The following ADCY7 variants were observed in gnomAD, a reference collection of about 807,000 sequenced individuals.
The protein encoded by ADCY7 is adenylate cyclase type 7.
A neutral mutation model predicts 120.6 loss-of-function variants in ADCY7; 72 were observed. The observed-to-expected ratio is 0.60, with a 90% CI of 0.49 to 0.73. The LOEUF (loss-of-function observed/expected upper bound fraction) is 0.73, where lower values mean the gene tolerates loss of function less well. Among genes scored for constraint, ADCY7 ranks in the 30% least tolerant of loss-of-function variants. The pLI, the probability that ADCY7 is intolerant of heterozygous loss-of-function variation, is 0.00. For synonymous variants in ADCY7, 661 were observed against 628.0 expected, an observed-to-expected ratio of 1.05 and a Z score of -0.78; for missense variants, 1,227 against 1,486.0, an observed-to-expected ratio of 0.83 and a Z score of 2.87.
At chr16:50,292,209 G>C (rs1567555685) in intron 4 of ADCY7, among the ~76,000 whole-genome samples, 1 of 152,242 alleles carries the variant, frequency 6.6e-6, no homozygotes, top group Non-Finnish European at 1.5e-5. Context: ...TCCCCTCGAA[G>C]GCCCTGTCCT....
chr16:50,308,087 C>A (rs1191084960), intron 15 of ADCY7, among the ~76,000 whole-genome samples: 1 of 151,692 alleles, frequency 6.6e-6, no homozygotes, highest in Non-Finnish European at 1.5e-5. Flanking sequence ...AGACATTGCT[C>A]ATTTCTTATA....
chr16:50,285,743 A>G (rs1248359170), intron 1 of ADCY7, among the ~76,000 whole-genome samples: 1 of 152,192 alleles, frequency 6.6e-6, no homozygotes, highest in Non-Finnish European at 1.5e-5. Context: ...TGCTGGGAAT[A>G]TGGCAGCTGT....
intron 1 of ADCY7, among the ~76,000 whole-genome samples, chr16:50,281,012 C>T (rs186553190): frequency 3.9e-5 from 6 of 152,044 alleles, no homozygotes; most frequent in Admixed American, 3.3e-4. Context: ...GGGCTCATGC[C>T]GTTGGGGAAT....
intron 1 of ADCY7, among the ~76,000 whole-genome samples, chr16:50,282,024 C>T (rs1364557396): frequency 6.6e-6 from 1 of 152,266 alleles, no homozygotes; most frequent in Non-Finnish European, 1.5e-5. Flanking sequence ...GGGTGTGGGC[C>T]CAGGGGCCTG....
intron 3 of ADCY7, among the ~76,000 whole-genome samples, chr16:50,290,929 C>A (rs1439480632): frequency 6.6e-6 from 1 of 152,206 alleles, no homozygotes; most frequent in Non-Finnish European, 1.5e-5. Context: ...AAGGCACAAA[C>A]TGGTTCCTGT....
In ADCY7 at chr16:50,311,799, GCCC is replaced by G. The variant is rs376981269; in HGVS notation, c.2448+27_2448+29del. 199,297 of 880,226 alleles carry G rather than the reference GCCC, an allele frequency of 0.23. 781 individuals carry two copies. Among genetic ancestry groups the G allele is most frequent in the Non-Finnish European group, 0.24 (153,593 of 632,656 alleles). The allele number at this position is 880,226 out of a possible 1,614,324, so 54.5% of individuals were successfully genotyped here. On this transcript the variant is annotated intron_variant, in intron 20 of 25. Transcript: ENST00000673801. ...ACTCTCCAGACAGGTAAGGAGGCTG[GCCC>G]CCCCCCCCCCCCCAAGCTCTGCCCA...
chr16:50,245,659 G>A (rs1281795074), upstream of ADCY7, among the ~76,000 whole-genome samples: 1 of 152,130 alleles, frequency 6.6e-6, no homozygotes, highest in Non-Finnish European at 1.5e-5. Context: ...TGAGTGAGAC[G>A]TAAGGCGGGA....
intron 1 of ADCY7, among the ~76,000 whole-genome samples, chr16:50,285,117 A>T (rs3826171): frequency 0.6 from 90,997 of 151,738 alleles, 28,678 homozygotes; most frequent in Middle Eastern, 0.74. Context: ...TGGGCTGCAA[A>T]TATTGAAAAA....
At chr16:50,248,271 C>T (rs1369334260) in intron 1 of ADCY7, among the ~76,000 whole-genome samples, 4 of 152,234 alleles carry the variant, frequency 2.6e-5, no homozygotes, top group African/African-American at 9.6e-5. Context: ...CAGAAGAGCC[C>T]TGGGGCTTTG....
chr16:50,308,278 C>T (rs1436031296), intron 15 of ADCY7, 49 bp from the exon 16 acceptor site: 1 of 1,613,992 alleles, frequency 6.2e-7, no homozygotes, highest in Non-Finnish European at 8.5e-7. Flanking sequence ...GGGCGGTGGT[C>T]CTGGGCAGAA....
intron 1 of ADCY7, among the ~76,000 whole-genome samples, chr16:50,267,843 C>T (rs2033316675): frequency 6.6e-6 from 1 of 152,172 alleles, no homozygotes; most frequent in Non-Finnish European, 1.5e-5. Context: ...AAGTGCCAGC[C>T]CTGCAGGAAG....
intron 1 of ADCY7, among the ~76,000 whole-genome samples, chr16:50,252,503 C>T (rs144521438): frequency 3.7e-4 from 56 of 152,248 alleles, no homozygotes; most frequent in African/African-American, 1.3e-3. Flanking sequence ...TGTTTGTGTG[C>T]CTGGGTAGGC....
At chr16:50,292,411 C>T (rs1171749043) in intron 4 of ADCY7, among the ~76,000 whole-genome samples, 2 of 152,362 alleles carry the variant, frequency 1.3e-5, no homozygotes, top group Admixed American at 6.5e-5. Context: ...GCCCTTAGCA[C>T]GCATGCCCCT....
chr16:50,257,708 C>CAT (rs942819019), intron 1 of ADCY7, among the ~76,000 whole-genome samples: 71 of 149,956 alleles, frequency 4.7e-4, no homozygotes, highest in African/African-American at 1.3e-3. Context: ...TTGTAAATGT[C>CAT]ATATATATAT....
rs144189558 is a variant in ADCY7, at chr16:50,294,290, G to A, written c.837-350G>A. On this transcript the variant is annotated intron_variant, in intron 6 of 25. Coordinates refer to ENST00000673801, the MANE Select transcript of ADCY7 (RefSeq NM_001114.5). ...GAGCATGGAGCTGCCTCTCACCAGG[G>A]AGTTCTGAAGTCTGTGCTGTGGTGA... Among the ~76,000 whole-genome samples the A allele has an allele frequency of 9.2e-5, 14 of 152,302 alleles. 1 individual carries two copies. The highest frequency in any genetic ancestry group is 3.4e-4 in the African/African-American group (14 of 41,564).
intron 10 of ADCY7, among the ~76,000 whole-genome samples, chr16:50,301,488 G>A (rs1281330662): frequency 1.3e-5 from 2 of 152,230 alleles, no homozygotes; most frequent in Non-Finnish European, 2.9e-5. Flanking sequence ...CGCCTGGCAC[G>A]TCACAGCATT....
At chr16:50,281,230 C>A (rs1232887682) in intron 1 of ADCY7, among the ~76,000 whole-genome samples, 1 of 152,212 alleles carries the variant, frequency 6.6e-6, no homozygotes, top group Non-Finnish European at 1.5e-5. Flanking sequence ...TGCAGACAAC[C>A]TGGTTATCAG....
chr16:50,314,586 C>A lies in ADCY7; in HGVS notation c.2971+180C>A, dbSNP rs532699141. ...TTTGCATATAGTTAGCATATAGTTA[C>A]CATTGAGAGTTTTAATAATACGTAA... is the stretch of plus-strand genomic sequence containing the variant. On this transcript the variant is annotated intron_variant, in intron 24 of 25. Coordinates refer to ENST00000673801, the MANE Select transcript of ADCY7 (RefSeq NM_001114.5). 1.3e-5 allele frequency: 7 copies of A among 559,802 alleles called. No homozygotes were observed. In the South Asian group the frequency reaches 1.7e-4, roughly 13 times the overall value. The allele number at this position is 559,802 out of a possible 1,614,324, so 34.7% of individuals were successfully genotyped here.
At position 50,252,670 on chromosome 16, in the gene ADCY7, C is replaced by T. The variant is rs557720331; in HGVS notation, c.-64+6467C>T. Among the ~76,000 whole-genome samples the T allele has an allele frequency of 7.9e-5, 12 of 152,326 alleles. No homozygotes were observed. The South Asian group carries it at 1.2e-3, about 16-fold the overall frequency. On this transcript the variant is annotated intron_variant, in intron 1 of 4. Transcript: ENST00000564044. ...GAGGTGAAGTGACCCTCAGAGGTCC[C>T]ATGACCAAGCAATAGCAATGCTGGG... is the stretch of plus-strand genomic sequence containing the variant.
Sources: allele counts gnomAD v4.1 joint callset (sites outside exome capture counted in the v4.1 genomes callset), GRCh38; gene constraint gnomAD v4.1.1; transcripts MANE v1.5; gene names NCBI Gene and HGNC (gene_info 2026-07-23, HGNC 2026-07-21).